Variants in AGMO observed in about 807,000 individuals in gnomAD.
The protein encoded by AGMO is glyceryl-ether monooxygenase.
AGMO carries 75 observed loss-of-function variants against 60.2 expected under a neutral mutation model. That is an observed-to-expected ratio of 1.25 (90% CI 1.03 to 1.51). AGMO has a LOEUF of 1.51. Ranked by LOEUF, AGMO falls within the 40% of genes most tolerant of loss-of-function variation. The pLI is 0.00. For missense variants in AGMO, 763 were observed against 525.5 expected, an observed-to-expected ratio of 1.45 and a Z score of -4.42; for synonymous variants, 261 against 177.1, an observed-to-expected ratio of 1.47 and a Z score of -3.76.
intron 3 of AGMO, among the ~76,000 whole-genome samples, chr7:15,538,117 A>C (rs897179427): frequency 1.3e-5 from 2 of 152,168 alleles, no homozygotes; most frequent in Non-Finnish European, 2.9e-5. Flanking sequence ...ATCCCACTTC[A>C]AGGACTGAGG....
chr7:15,427,166 A>C (rs1781088867), intron 4 of AGMO, among the ~76,000 whole-genome samples: 1 of 152,204 alleles, frequency 6.6e-6, no homozygotes, highest in Non-Finnish European at 1.5e-5. Flanking sequence ...GATTCCCAGG[A>C]AACAATGTCT....
the AGMO span, among the ~76,000 whole-genome samples, chr7:15,121,723 A>G: frequency 6.6e-6 from 1 of 152,134 alleles, no homozygotes; most frequent in African/African-American, 2.4e-5. Context: ...CTGGTACCAA[A>G]ACTGATATAT....
At chr7:15,387,947 G>T (rs1009928749) in intron 8 of AGMO, among the ~76,000 whole-genome samples, 1 of 136,188 alleles carries the variant, frequency 7.3e-6, no homozygotes, top group African/African-American at 3.1e-5. Flanking sequence ...TCGCTCTGTT[G>T]CCCAGGCTGG....
At chr7:15,338,922 TG>T (rs1781746515) in intron 12 of AGMO, among the ~76,000 whole-genome samples, 1 of 152,174 alleles carries the variant, frequency 6.6e-6, no homozygotes. Context: ...AGTAGAAGGT[TG>T]GTTGGCAAGT....
intron 12 of AGMO, among the ~76,000 whole-genome samples, chr7:15,255,470 T>C (rs566726528): frequency 4.0e-4 from 60 of 150,952 alleles, no homozygotes; most frequent in African/African-American, 1.4e-3. Context: ...CTGAAAAGGA[T>C]TGCATTCTTC....
intron 3 of AGMO, among the ~76,000 whole-genome samples, chr7:15,451,696 T>C (rs1371495105): frequency 1.2e-4 from 18 of 151,926 alleles, no homozygotes; most frequent in Admixed American, 1.2e-3. Flanking sequence ...AAGAAAAACT[T>C]CGGCCGAATT....
At chr7:15,232,801 G>GCACACACACA (rs71004371) in intron 12 of AGMO, among the ~76,000 whole-genome samples, 39,355 of 146,864 alleles carry the variant, frequency 0.27, 6,047 homozygotes, top group Admixed American at 0.37. Flanking sequence ...ACACACACAC[G>GCACACACACA]CACACACACA....
chr7:15,493,838 T>G (rs192779555), intron 3 of AGMO, among the ~76,000 whole-genome samples: 1 of 152,280 alleles, frequency 6.6e-6, no homozygotes, highest in East Asian at 1.9e-4. Flanking sequence ...TCATGTGTAA[T>G]GTATGCTTCT....
the AGMO span, among the ~76,000 whole-genome samples, chr7:15,165,312 A>G: frequency 6.6e-6 from 1 of 152,124 alleles, no homozygotes; most frequent in South Asian, 2.1e-4. Context: ...GGTACACTAG[A>G]AGCCCAAACC....
chr7:15,440,073 C>T (rs956423105), intron 3 of AGMO, among the ~76,000 whole-genome samples: 1 of 152,172 alleles, frequency 6.6e-6, no homozygotes, highest in Non-Finnish European at 1.5e-5. Context: ...TCTGATCTCA[C>T]TGCAAAAACA....
chr7:15,316,671 C>T (rs905654979), intron 12 of AGMO, among the ~76,000 whole-genome samples: 1 of 152,064 alleles, frequency 6.6e-6, no homozygotes, highest in Admixed American at 6.6e-5. Flanking sequence ...ATAATAGATA[C>T]TTTACTGTAA....
rs761858200 is a variant in AGMO at position 15,416,150 on chromosome 7, C to T, written c.609+2408G>A. ...CCAGGTTCAAGCAATTATTCTGCCACGGCCTCCAAAGTAGCTGGGACTACA... is the reference window on the plus strand; with the variant it reads ...CCAGGTTCAAGCAATTATTCTGCCATGGCCTCCAAAGTAGCTGGGACTACA... On this transcript the variant is annotated intron_variant, in intron 5 of 12. Transcript: ENST00000342526. Among the ~76,000 whole-genome samples the T allele has an allele frequency of 4.6e-5, 7 of 151,284 alleles. No homozygotes were observed. The East Asian group carries it at 9.7e-4, about 21-fold the overall frequency.
chr7:15,380,532 C>G (rs1030397010), intron 10 of AGMO, among the ~76,000 whole-genome samples: 2 of 152,062 alleles, frequency 1.3e-5, no homozygotes, highest in Non-Finnish European at 2.9e-5. Context: ...AACTGGAAAG[C>G]CATTCCATGT....
At chr7:15,322,527 AATAT>A (rs1185191567) in intron 12 of AGMO, among the ~76,000 whole-genome samples, 1 of 54,952 alleles carries the variant, frequency 1.8e-5, no homozygotes, top group Non-Finnish European at 2.9e-5. Context: ...AATATATATA[AATAT>A]ATAAATATAT....
chr7:15,255,790 G>C (rs115804241), intron 12 of AGMO, among the ~76,000 whole-genome samples: 2,273 of 152,184 alleles, frequency 0.015, 58 homozygotes, highest in African/African-American at 0.053. Context: ...GCTTTTTTCT[G>C]TTCAAATTTA....
rs1180816178 is a variant in AGMO, at chr7:15,395,757, C to CG, written c.610-1579_610-1578insC. ...ACTGCTAGTAATGTCCATAAATCCTCACTAATCCAACTGAAAATAATAAAT... is the reference window on the plus strand; with the variant it reads ...ACTGCTAGTAATGTCCATAAATCCTCGACTAATCCAACTGAAAATAATAAAT... On this transcript the variant is annotated intron_variant, in intron 5 of 12. Coordinates refer to ENST00000342526, the MANE Select transcript of AGMO (RefSeq NM_001004320.2). 5.3e-5 allele frequency among the ~76,000 whole-genome samples: 8 copies of CG among 152,308 alleles called. No homozygotes were observed. The South Asian group carries it at 1.7e-3, about 32-fold the overall frequency.
At chr7:15,122,520 A>T in the AGMO span, among the ~76,000 whole-genome samples, 4 of 152,040 alleles carry the variant, frequency 2.6e-5, no homozygotes, top group Non-Finnish European at 2.9e-5. Flanking sequence ...TCTAATAGGG[A>T]TTTCAAATCA....
intron 12 of AGMO, among the ~76,000 whole-genome samples, chr7:15,317,954 CTATA>C (rs56387330): frequency 8.5e-5 from 12 of 140,702 alleles, no homozygotes; most frequent in South Asian, 2.2e-4. Context: ...CACACACACA[CTATA>C]TATATATATA....
the AGMO span, among the ~76,000 whole-genome samples, chr7:15,174,002 T>A: frequency 2.0e-5 from 3 of 151,998 alleles, no homozygotes; most frequent in Non-Finnish European, 4.4e-5. Context: ...TATGACCCCA[T>A]TTTATGTTTC....
Sources: gnomAD v4.1 joint callset for allele counts (sites outside exome capture counted in the v4.1 genomes callset) on GRCh38, gnomAD v4.1.1 for gene constraint, MANE v1.5 for transcripts, NCBI Gene and HGNC (gene_info 2026-07-23, HGNC 2026-07-21) for gene names.